SMAD3: variants seen among roughly 807,000 people sequenced by gnomAD.
SMAD3 encodes MAD homolog 3.
In SMAD3, 12 loss-of-function variants were observed where a neutral mutation model predicts 51.8. The observed-to-expected ratio is 0.23, with a 90% CI of 0.15 to 0.38. The LOEUF (loss-of-function observed/expected upper bound fraction) is 0.38. Ranked by LOEUF, SMAD3 falls within the 10% of genes least tolerant of loss-of-function variation. SMAD3 has a pLI of 1.00. For synonymous variants in SMAD3, 238 were observed against 227.7 expected (o/e 1.05, Z -0.41); for missense variants, 294 against 565.6 (o/e 0.52, Z 4.87).
At chr15:67,132,238 C>G (rs1286227709) in intron 1 of SMAD3, among the ~76,000 whole-genome samples, 1 of 152,202 alleles carries the variant, frequency 6.6e-6, no homozygotes, top group African/African-American at 2.4e-5. Flanking sequence ...ATCTCCTTAT[C>G]TGAACAGCAA....
chr15:67,068,608 GC>G (rs1351372420), intron 1 of SMAD3, among the ~76,000 whole-genome samples: 1 of 152,218 alleles, frequency 6.6e-6, no homozygotes, highest in Admixed American at 6.5e-5. Context: ...TCTTCTGCCT[GC>G]CTGGATAGGA....
At chr15:67,122,328 T>G (rs1477931127) in intron 1 of SMAD3, among the ~76,000 whole-genome samples, 1 of 152,206 alleles carries the variant, frequency 6.6e-6, no homozygotes, top group Admixed American at 6.5e-5. Context: ...GGTCAGCTCT[T>G]TTGCTGTTCC....
chr15:67,088,230 A>G (rs1428173226), intron 1 of SMAD3, among the ~76,000 whole-genome samples: 1 of 151,956 alleles, frequency 6.6e-6, no homozygotes, highest in Non-Finnish European at 1.5e-5. Flanking sequence ...GGCCCAGAAG[A>G]TGGGTGCACA....
chr15:67,152,266 C>T (rs1043836303), intron 1 of SMAD3, among the ~76,000 whole-genome samples: 2 of 152,166 alleles, frequency 1.3e-5, no homozygotes, highest in Non-Finnish European at 2.9e-5. Flanking sequence ...ATCATGTTGT[C>T]GTAGAATGAA....
At chr15:67,150,673 A>T (rs765425080) in intron 1 of SMAD3, among the ~76,000 whole-genome samples, 2 of 152,068 alleles carry the variant, frequency 1.3e-5, no homozygotes, top group Non-Finnish European at 2.9e-5. Context: ...AGTGAAAAAC[A>T]GAATGACTAA....
chr15:67,156,339 T>A (rs2140282925), intron 1 of SMAD3, among the ~76,000 whole-genome samples: 1 of 152,284 alleles, frequency 6.6e-6, no homozygotes, highest in South Asian at 2.1e-4. Context: ...AGAGGAGTAT[T>A]TGGGGGTAAG....
chr15:67,108,869 A>G (rs1399331919), intron 1 of SMAD3, among the ~76,000 whole-genome samples: 2 of 152,250 alleles, frequency 1.3e-5, no homozygotes, highest in South Asian at 2.1e-4. Context: ...AAGAAAAAAA[A>G]AAGTGGAAAA....
intron 1 of SMAD3, among the ~76,000 whole-genome samples, chr15:67,163,245 G>T (rs1962479506): frequency 6.6e-6 from 1 of 152,080 alleles, no homozygotes. Flanking sequence ...AAGTGGTTTT[G>T]GTGATTATTT....
intron 1 of SMAD3, among the ~76,000 whole-genome samples, chr15:67,086,579 G>T (rs541635134): frequency 6.6e-6 from 1 of 152,310 alleles, no homozygotes; most frequent in South Asian, 2.1e-4. Flanking sequence ...CACAGATGAA[G>T]GGGGATGGTA....
At chr15:67,142,263 T>C (rs1462678195) in intron 1 of SMAD3, among the ~76,000 whole-genome samples, 1 of 151,664 alleles carries the variant, frequency 6.6e-6, no homozygotes, top group African/African-American at 2.4e-5. Flanking sequence ...GTTTTTTTTT[T>C]CCCCCGTACA....
intron 3 of SMAD3, 103 bp from the exon 4 acceptor site, chr15:67,166,676 G>A (rs914002260): frequency 1.0e-5 from 8 of 790,890 alleles, no homozygotes; most frequent in African/African-American, 1.7e-5. Flanking sequence ...CTACAGCCAC[G>A]GATGCTAGCA....
At position 67,190,725 on chromosome 15, in the gene SMAD3, G is replaced by A. The variant is rs1307934147; in HGVS notation, c.*189G>A. On this transcript the variant is annotated 3_prime_UTR_variant, in exon 9 of 9. Coordinates refer to ENST00000327367, the MANE Select transcript of SMAD3 (RefSeq NM_005902.4). The stretch of plus-strand genomic sequence containing the variant: ...CCAGAGGTGGATGTTATGAACAGCT[G>A]TGTCTGCCAAACACATTTACCCTTT... 6 of 640,166 alleles carry A rather than the reference G, an allele frequency of 9.4e-6. No individual in the cohort carries two copies. The highest frequency in any genetic ancestry group is 1.7e-5 in the Non-Finnish European group (6 of 362,130). The allele number at this position is 640,166 out of a possible 1,614,324, so 39.7% of individuals were successfully genotyped here. A position where few individuals can be genotyped will look rare whatever the true frequency, so the allele number is the denominator to read the frequency against.
chr15:67,147,222 G>T (rs572892145), intron 1 of SMAD3, among the ~76,000 whole-genome samples: 2 of 152,324 alleles, frequency 1.3e-5, no homozygotes, highest in Admixed American at 1.3e-4. Context: ...AGGCTTGACA[G>T]CCGGGCCGAC....
Position 67,176,154 on chromosome 15 carries a change from TGGG to T in SMAD3, c.659-5086_659-5084del. Among the ~76,000 whole-genome samples the T allele has an allele frequency of 2.0e-5, 3 of 152,318 alleles. No individual in the cohort carries two copies. The South Asian group carries it at 6.2e-4, about 32-fold the overall frequency. The stretch of plus-strand genomic sequence containing the variant: ...CCTGGGTGCTGGGACACAGCTGGCG[TGGG>T]CTCACAGAGACCTCATCCTCTAGCA... On this transcript the variant is annotated intron_variant, in intron 5 of 8. Transcript: ENST00000327367.
At chr15:67,070,726 G>A (rs934195597) in intron 1 of SMAD3, among the ~76,000 whole-genome samples, 10 of 150,970 alleles carry the variant, frequency 6.6e-5, no homozygotes, top group African/African-American at 9.8e-5. Context: ...AAATATTGTA[G>A]AATTCACTAT....
chr15:67,116,673 A>G (rs1038530130), intron 1 of SMAD3, among the ~76,000 whole-genome samples: 15 of 152,334 alleles, frequency 9.8e-5, no homozygotes, highest in African/African-American at 3.1e-4. Flanking sequence ...AGTGCTCCTC[A>G]AAGCCTGTGG....
intron 1 of SMAD3, among the ~76,000 whole-genome samples, chr15:67,155,845 G>A (rs1178334993): frequency 1.3e-5 from 2 of 152,016 alleles, no homozygotes; most frequent in Non-Finnish European, 2.9e-5. Flanking sequence ...AATTTAGCCG[G>A]GTGTGGTGGT....
At chr15:67,167,445 G>A (rs1297253127) in intron 4 of SMAD3, among the ~76,000 whole-genome samples, 1 of 152,184 alleles carries the variant, frequency 6.6e-6, no homozygotes, top group African/African-American at 2.4e-5. Context: ...CAGACCACTT[G>A]GCATTTAGTC....
chr15:67,148,983 C>T (rs766117062), intron 1 of SMAD3, among the ~76,000 whole-genome samples: 2 of 152,192 alleles, frequency 1.3e-5, no homozygotes, highest in Non-Finnish European at 2.9e-5. Context: ...ACAGAAGTCA[C>T]TTCATCATAC....
Sources: allele counts gnomAD v4.1 joint callset (sites outside exome capture counted in the v4.1 genomes callset), GRCh38; gene constraint gnomAD v4.1.1; transcripts MANE v1.5; gene names NCBI Gene and HGNC (gene_info 2026-07-23, HGNC 2026-07-21).